Variants in ARHGAP26 observed in about 807,000 individuals in gnomAD.
The protein encoded by ARHGAP26 is rho GTPase-activating protein 26.
A neutral mutation model predicts 104.8 loss-of-function variants in ARHGAP26; 38 were observed. That is an observed-to-expected ratio of 0.36 (90% CI 0.28 to 0.48). The LOEUF (loss-of-function observed/expected upper bound fraction) is 0.48, where lower values mean the gene tolerates loss of function less well. Among genes scored for constraint, ARHGAP26 ranks in the 20% least tolerant of loss-of-function variants. ARHGAP26 has a pLI of 0.99. For missense variants in ARHGAP26, 704 were observed against 947.9 expected, an observed-to-expected ratio of 0.74 and a Z score of 3.38; for synonymous variants, 341 against 340.0, an observed-to-expected ratio of 1.00 and a Z score of -0.03.
At chr5:143,168,823 CA>C (rs1802395366) in intron 20 of ARHGAP26, 1 of 152,156 alleles carries the variant, frequency 6.6e-6, no homozygotes, top group South Asian at 2.1e-4. Flanking sequence ...AGATAGTGAT[CA>C]CGTAGACTTA....
intron 17 of ARHGAP26, among the ~76,000 whole-genome samples, chr5:143,085,583 C>CT (rs1790482430): frequency 1.3e-5 from 2 of 152,160 alleles, no homozygotes; most frequent in African/African-American, 4.8e-5. Context: ...GATAATTAGT[C>CT]TGAGTTTTAT....
intron 11 of ARHGAP26, among the ~76,000 whole-genome samples, chr5:143,003,974 G>A (rs1263706633): frequency 7.3e-6 from 1 of 136,966 alleles, no homozygotes; most frequent in Non-Finnish European, 1.5e-5. Context: ...CACACATTCA[G>A]AGAGACTCCA....
intron 17 of ARHGAP26, among the ~76,000 whole-genome samples, chr5:143,086,999 C>T (rs1486590209): frequency 6.6e-6 from 1 of 152,236 alleles, no homozygotes; most frequent in Non-Finnish European, 1.5e-5. Flanking sequence ...GTTTTACGAG[C>T]TTGCTAGATC....
intron 8 of ARHGAP26, among the ~76,000 whole-genome samples, chr5:142,905,490 C>G (rs1279386552): frequency 6.6e-6 from 1 of 152,060 alleles, no homozygotes; most frequent in African/African-American, 2.4e-5. Context: ...ACCATAAACC[C>G]TTTACCCAGT....
At chr5:142,914,325 A>G (rs1295420496) in intron 10 of ARHGAP26, among the ~76,000 whole-genome samples, 1 of 152,286 alleles carries the variant, frequency 6.6e-6, no homozygotes, top group East Asian at 1.9e-4. Flanking sequence ...AACTAACTGC[A>G]TCTCTTAAGC....
At chr5:143,140,181 TGCTAA>T (rs1798349949) in intron 19 of ARHGAP26, among the ~76,000 whole-genome samples, 1 of 152,208 alleles carries the variant, frequency 6.6e-6, no homozygotes, top group Non-Finnish European at 1.5e-5. Context: ...GTGATACTGA[TGCTAA>T]CTCAATTTAG....
chr5:142,952,685 T>C (rs1002369208), intron 11 of ARHGAP26, among the ~76,000 whole-genome samples: 1 of 152,210 alleles, frequency 6.6e-6, no homozygotes, highest in Non-Finnish European at 1.5e-5. Context: ...TGGGTGTTAC[T>C]GTATATATTT....
intron 17 of ARHGAP26, among the ~76,000 whole-genome samples, chr5:143,101,856 C>CTT (rs572646417): frequency 2.2e-5 from 3 of 139,028 alleles, no homozygotes; most frequent in Non-Finnish European, 3.2e-5. Flanking sequence ...GACATAAAAG[C>CTT]TTTTTTTTTT....
At chr5:143,201,743 T>C (rs987560791) in intron 20 of ARHGAP26, among the ~76,000 whole-genome samples, 5 of 152,222 alleles carry the variant, frequency 3.3e-5, no homozygotes, top group African/African-American at 7.2e-5. Context: ...TAAAATACAA[T>C]GTACTCTCTA....
intron 17 of ARHGAP26, among the ~76,000 whole-genome samples, chr5:143,087,512 C>A (rs1354172225): frequency 6.6e-6 from 1 of 152,030 alleles, no homozygotes; most frequent in Non-Finnish European, 1.5e-5. Flanking sequence ...CTCCCCATAC[C>A]CTCTCCATTG....
chr5:143,208,694 T>G (rs986337610), intron 21 of ARHGAP26, among the ~76,000 whole-genome samples: 2 of 152,192 alleles, frequency 1.3e-5, no homozygotes, highest in Admixed American at 6.5e-5. Flanking sequence ...TCCAAACACG[T>G]GGGTAACCCC....
In ARHGAP26 at chr5:142,871,949, G is replaced by C. The variant is rs1460308710; in HGVS notation, c.155-1451G>C. Among the ~76,000 whole-genome samples, 1 of 152,190 alleles carries C rather than the reference G, an allele frequency of 6.6e-6. No individual in the cohort carries two copies. Among genetic ancestry groups the C allele is most frequent in the Non-Finnish European group, 1.5e-5 (1 of 68,032 alleles). On this transcript the variant is annotated intron_variant, in intron 1 of 22. Coordinates refer to ENST00000645722, the MANE Select transcript of ARHGAP26 (RefSeq NM_001135608.3). The surrounding 1 kb of genome is among the most constrained non-coding windows in gnomAD (Gnocchi z 4.1). ...GCTTTGGACAAACCGCAGCTATCTC[G>C]GGACCGTGTCATCACAGCGTGTGGG...
chr5:142,790,639 A>G (rs1215326886), intron 1 of ARHGAP26, among the ~76,000 whole-genome samples: 1 of 152,108 alleles, frequency 6.6e-6, no homozygotes, highest in Non-Finnish European at 1.5e-5. Flanking sequence ...TACCTTGCCT[A>G]ATGCCTCTCT....
chr5:142,998,851 A>G (rs1163073938), intron 11 of ARHGAP26, among the ~76,000 whole-genome samples: 1 of 152,196 alleles, frequency 6.6e-6, no homozygotes, highest in Non-Finnish European at 1.5e-5. Context: ...TCTGATCAGC[A>G]GCTTTCCAAC....
At chr5:143,198,432 T>G (rs1807197334) in intron 20 of ARHGAP26, among the ~76,000 whole-genome samples, 1 of 152,224 alleles carries the variant, frequency 6.6e-6, no homozygotes, top group Non-Finnish European at 1.5e-5. Context: ...TGGAAAAGAT[T>G]GAGAGGCTAC....
chr5:143,195,492 C>T (rs1806684418), intron 20 of ARHGAP26, among the ~76,000 whole-genome samples: 1 of 152,156 alleles, frequency 6.6e-6, no homozygotes, highest in South Asian at 2.1e-4. Context: ...CAATGCCCCT[C>T]AGCCTGTGTT....
chr5:142,975,724 C>G (rs1328959230), intron 11 of ARHGAP26, among the ~76,000 whole-genome samples: 1 of 152,068 alleles, frequency 6.6e-6, no homozygotes, highest in Non-Finnish European at 1.5e-5. Context: ...TACTTTATTA[C>G]CCAGCGTCCC....
intron 10 of ARHGAP26, chr5:142,919,251 T>A (rs1762884197): frequency 7.5e-6 from 3 of 398,538 alleles, no homozygotes; most frequent in Non-Finnish European, 1.3e-5. Context: ...CACGAGAAGA[T>A]ACCGTGTTAA....
At chr5:142,898,520 G>T (rs1759806758) in intron 6 of ARHGAP26, among the ~76,000 whole-genome samples, 1 of 152,054 alleles carries the variant, frequency 6.6e-6, no homozygotes, top group African/African-American at 2.4e-5. Context: ...CCCATTGCAG[G>T]CCTTCATTCT....
Sources: gnomAD v4.1 joint callset for allele counts (sites outside exome capture counted in the v4.1 genomes callset) on GRCh38, gnomAD v4.1.1 for gene constraint, Gnocchi (gnomAD v3.1) non-coding constraint, MANE v1.5 for transcripts, NCBI Gene and HGNC (gene_info 2026-07-23, HGNC 2026-07-21) for gene names.